The following NBEA variants were observed in gnomAD, a reference collection of about 807,000 sequenced individuals.
The protein encoded by NBEA is lysosomal-trafficking regulator 2.
Under a neutral mutation model 343.4 loss-of-function variants are expected in NBEA, and 44 were observed. The observed-to-expected ratio is 0.13, with a 90% confidence interval of 0.10 to 0.16. The LOEUF is 0.16. NBEA is among the 10% of genes least tolerant of loss of function. The pLI is 1.00. For missense variants in NBEA, 2,555 were observed against 3,631.3 expected, an observed-to-expected ratio of 0.70 and a Z score of 7.62; for synonymous variants, 1,175 against 1,238.7, an observed-to-expected ratio of 0.95 and a Z score of 1.08.
At position 35,110,155 on chromosome 13, in the gene NBEA, A is replaced by G. The variant is rs1440984477; in HGVS notation, c.1834-655A>G. ...TGTGCCATGCTGGTGCGCTGCACCC[A>G]CTAACGTGTCATCTAGCATTAGGTA... On this transcript the variant is annotated intron_variant, in intron 12 of 58. Transcript: ENST00000379939. Among the ~76,000 whole-genome samples the G allele has an allele frequency of 2.7e-5, 4 of 147,486 alleles. No homozygotes were observed. The East Asian group carries it at 8.2e-4, about 30-fold the overall frequency.
intron 41 of NBEA, among the ~76,000 whole-genome samples, chr13:35,484,940 T>G (rs1228420976): frequency 6.6e-6 from 1 of 152,106 alleles, no homozygotes; most frequent in Non-Finnish European, 1.5e-5. Flanking sequence ...AACTTTCTTT[T>G]GATAAATAGT....
At chr13:35,485,244 G>A (rs1181712427) in intron 41 of NBEA, among the ~76,000 whole-genome samples, 1 of 151,952 alleles carries the variant, frequency 6.6e-6, no homozygotes, top group Non-Finnish European at 1.5e-5. Flanking sequence ...GGGAAGTTAT[G>A]TATTATTTAC....
At chr13:35,169,268 C>G (rs868340413) in intron 25 of NBEA, among the ~76,000 whole-genome samples, 50 of 151,360 alleles carry the variant, frequency 3.3e-4, no homozygotes, top group African/African-American at 1.1e-3. Context: ...TTAATTGGTT[C>G]TAAGGAAAGT....
At position 35,299,882 on chromosome 13, in the gene NBEA, G is replaced by A. The variant is rs146045222; in HGVS notation, c.5838+9432G>A. 1.2e-3 allele frequency among the ~76,000 whole-genome samples: 189 copies of A among 152,212 alleles called. 4 individuals carry two copies. The East Asian group carries it at 0.036, about 29-fold the overall frequency. ...TGCATGTGTTTTCATGTATCTGTGT[G>A]CCTTGTTTTAAGCAAATTCTCTAAG... On this transcript the variant is annotated intron_variant, in intron 35 of 58. Coordinates refer to ENST00000379939, the MANE Select transcript of NBEA (RefSeq NM_001385012.1).
At chr13:34,959,363 T>C (rs2059590147) in intron 1 of NBEA, among the ~76,000 whole-genome samples, 1 of 152,058 alleles carries the variant, frequency 6.6e-6, no homozygotes, top group Non-Finnish European at 1.5e-5. Flanking sequence ...AAGCTCTGCT[T>C]GGGTGGGATT....
intron 49 of NBEA, 28 bp downstream of exon 49, chr13:35,628,276 A>G: frequency 6.7e-7 from 1 of 1,487,406 alleles, no homozygotes; most frequent in Non-Finnish European, 9.0e-7. Flanking sequence ...TATTATTCCA[A>G]AAATTTCTGT....
rs1464501426 is a variant in NBEA at position 35,015,591 on chromosome 13, C to T, written c.295-25342C>T. Among the ~76,000 whole-genome samples, 6 of 150,612 alleles carry T rather than the reference C, an allele frequency of 4.0e-5. No homozygotes were observed. The East Asian group carries it at 1.2e-3, about 29-fold the overall frequency. ...ACAAGTAAGATAATATTGCATGATA[C>T]AATAATGAAATATTATTTAATTCAA... On this transcript the variant is annotated intron_variant, in intron 1 of 58. Transcript: ENST00000379939.
chr13:35,011,527 A>G (rs2061493623), intron 1 of NBEA, among the ~76,000 whole-genome samples: 1 of 152,250 alleles, frequency 6.6e-6, no homozygotes, highest in African/African-American at 2.4e-5. Context: ...ATATAAACAG[A>G]ATTATTAATG....
At chr13:35,119,865 A>T (rs2066699830) in intron 16 of NBEA, among the ~76,000 whole-genome samples, 1 of 152,254 alleles carries the variant, frequency 6.6e-6, no homozygotes, top group African/African-American at 2.4e-5. Flanking sequence ...CTGGGATTAC[A>T]GGCGTAAGCC....
chr13:35,330,347 A>C (rs1240525685), intron 36 of NBEA, among the ~76,000 whole-genome samples: 1 of 152,062 alleles, frequency 6.6e-6, no homozygotes, highest in Non-Finnish European at 1.5e-5. Flanking sequence ...TTAGTTATTT[A>C]AGTGGCACTT....
chr13:35,166,249 CTAAA>C (rs1325683895), intron 24 of NBEA, among the ~76,000 whole-genome samples: 1 of 152,130 alleles, frequency 6.6e-6, no homozygotes, highest in Admixed American at 6.6e-5. Context: ...ATTCACATTA[CTAAA>C]TAGTTTTCCA....
chr13:35,358,657 G>T (rs2040631315), intron 38 of NBEA, among the ~76,000 whole-genome samples: 3 of 151,994 alleles, frequency 2.0e-5, no homozygotes, highest in South Asian at 2.1e-4. Context: ...GGCAGAGGTT[G>T]CAGTGAGCCG....
chr13:34,970,253 T>G (rs1290670866), intron 1 of NBEA, among the ~76,000 whole-genome samples: 4 of 152,194 alleles, frequency 2.6e-5, no homozygotes, highest in Non-Finnish European at 5.9e-5. Flanking sequence ...GTTTGTTTTT[T>G]TTCCTTGTAA....
At chr13:35,403,938 G>A (rs1355910684) in intron 38 of NBEA, among the ~76,000 whole-genome samples, 4 of 152,124 alleles carry the variant, frequency 2.6e-5, no homozygotes, top group Non-Finnish European at 5.9e-5. Flanking sequence ...AAAAGTGGGC[G>A]AAGGACATCA....
chr13:34,999,759 C>T (rs2061062996), intron 1 of NBEA, among the ~76,000 whole-genome samples: 1 of 151,712 alleles, frequency 6.6e-6, no homozygotes, highest in South Asian at 2.1e-4. Context: ...TATTATTATC[C>T]ACACTTAACA....
At chr13:35,099,154 C>G (rs1305304697) in intron 11 of NBEA, among the ~76,000 whole-genome samples, 1 of 150,654 alleles carries the variant, frequency 6.6e-6, no homozygotes, top group Admixed American at 6.6e-5. Context: ...CTCAGCCTCC[C>G]GAGTGTCTGG....
At chr13:35,422,095 T>TG (rs1555260487) in intron 38 of NBEA, among the ~76,000 whole-genome samples, 1,565 of 112,308 alleles carry the variant, frequency 0.014, 14 homozygotes, top group Middle Eastern at 0.027. Flanking sequence ...TTTGTTTGTT[T>TG]TTTTTTTTTT....
chr13:35,661,899 G>A (rs2085107453), intron 55 of NBEA, among the ~76,000 whole-genome samples: 1 of 152,074 alleles, frequency 6.6e-6, no homozygotes, highest in Non-Finnish European at 1.5e-5. Flanking sequence ...TTTATCAGGA[G>A]GTTCATCCTC....
At chr13:35,027,264 A>G (rs538559871) in intron 1 of NBEA, among the ~76,000 whole-genome samples, 1 of 152,202 alleles carries the variant, frequency 6.6e-6, no homozygotes. Flanking sequence ...ATAAATTCCC[A>G]GTAGTGAAAT....
Sources: gnomAD v4.1 joint callset for allele counts (sites outside exome capture counted in the v4.1 genomes callset) on GRCh38, gnomAD v4.1.1 for gene constraint, MANE v1.5 for transcripts, NCBI Gene and HGNC (gene_info 2026-07-23, HGNC 2026-07-21) for gene names.